SEMA3A: variants seen among roughly 807,000 people sequenced by gnomAD.
SEMA3A encodes semaphorin 3A.
SEMA3A carries 29 observed loss-of-function variants against 97.9 expected under a neutral mutation model. That is an observed-to-expected ratio of 0.30 (90% CI 0.22 to 0.40). The LOEUF (loss-of-function observed/expected upper bound fraction) is 0.40. Among genes scored for constraint, SEMA3A ranks in the 10% least tolerant of loss-of-function variants. The probability of loss-of-function intolerance (pLI) is 1.00; values close to 1 mark genes in which losing one functional copy is unlikely to be tolerated. For synonymous variants in SEMA3A, 321 were observed against 323.7 expected (o/e 0.99, Z 0.09); for missense variants, 763 against 951.3 (o/e 0.80, Z 2.60).
chr7:84,403,408 C>A (rs938918389), intron 1 of SEMA3A, among the ~76,000 whole-genome samples: 12 of 152,224 alleles, frequency 7.9e-5, no homozygotes, highest in Non-Finnish European at 1.6e-4. Context: ...GAAGCTTGAA[C>A]TGGGTGGAGC....
In SEMA3A at chr7:84,007,544, T is replaced by C. The variant is rs1267629517; in HGVS notation, c.996-47A>G. Reference sequence around the variant, plus strand: ...AAAACAGAAGTTCATCTTTATACAATGGTAAGAGAAATATTGATACTGAGT... The same window carrying C: ...AAAACAGAAGTTCATCTTTATACAACGGTAAGAGAAATATTGATACTGAGT... On this transcript the variant is annotated intron_variant, in intron 9 of 16. Transcript: ENST00000265362. The C allele has an allele frequency of 3.6e-6, 5 of 1,385,020 alleles. No individual in the cohort carries two copies. In the African/African-American group the frequency reaches 5.9e-5, roughly 16 times the overall value. 85.8% of individuals were successfully genotyped at this position (1,385,020 alleles called of 1,614,324 possible). A position where few individuals can be genotyped will look rare whatever the true frequency, so the allele number is the denominator to read the frequency against.
chr7:84,324,133 A>C (rs991383894), intron 2 of SEMA3A, among the ~76,000 whole-genome samples: 1 of 152,172 alleles, frequency 6.6e-6, no homozygotes, highest in Non-Finnish European at 1.5e-5. Flanking sequence ...AGCCAATTTA[A>C]ATTTTTGGCA....
intron 6 of SEMA3A, among the ~76,000 whole-genome samples, chr7:84,044,880 A>C (rs1208768234): frequency 6.6e-6 from 1 of 152,082 alleles, no homozygotes; most frequent in Non-Finnish European, 1.5e-5. Flanking sequence ...TAACCAAAGA[A>C]CATCAATGCC....
intron 2 of SEMA3A, among the ~76,000 whole-genome samples, chr7:84,343,424 T>C (rs1802219642): frequency 6.6e-6 from 1 of 152,178 alleles, no homozygotes; most frequent in South Asian, 2.1e-4. Flanking sequence ...TGAATGCAAA[T>C]TGATTAAATT....
chr7:84,116,323 C>T (rs1342268198), intron 3 of SEMA3A, among the ~76,000 whole-genome samples: 2 of 152,098 alleles, frequency 1.3e-5, no homozygotes, highest in South Asian at 2.1e-4. Flanking sequence ...ATATTTCACA[C>T]GTATACTCTT....
intron 3 of SEMA3A, among the ~76,000 whole-genome samples, chr7:84,273,352 TAG>T (rs1228337534): frequency 2.0e-5 from 3 of 152,116 alleles, no homozygotes; most frequent in Non-Finnish European, 4.4e-5. Flanking sequence ...AGAATATTAA[TAG>T]ATTGTATTCA....
chr7:84,423,688 C>T (rs995142371), intron 1 of SEMA3A, among the ~76,000 whole-genome samples: 7 of 151,936 alleles, frequency 4.6e-5, no homozygotes, highest in East Asian at 3.9e-4. Flanking sequence ...GGAGAGCAAA[C>T]ATTTTACCTG....
intron 2 of SEMA3A, among the ~76,000 whole-genome samples, chr7:84,353,728 A>T (rs547625105): frequency 1.3e-5 from 2 of 151,804 alleles, no homozygotes; most frequent in African/African-American, 4.8e-5. Flanking sequence ...AAATTCTCAA[A>T]TTTTCCTTTT....
At chr7:84,162,278 A>G (rs1797059590) in intron 1 of SEMA3A, among the ~76,000 whole-genome samples, 1 of 152,124 alleles carries the variant, frequency 6.6e-6, no homozygotes, top group South Asian at 2.1e-4. Context: ...ATGCTCTGTG[A>G]GTGGCTAGCA....
chr7:84,080,318 A>G (rs1453353462), intron 4 of SEMA3A, among the ~76,000 whole-genome samples: 12 of 151,952 alleles, frequency 7.9e-5, no homozygotes, highest in Non-Finnish European at 1.6e-4. Flanking sequence ...AAACCTGCAC[A>G]TTGTGCACAT....
chr7:84,432,449 T>A (rs1354995378), intron 1 of SEMA3A, among the ~76,000 whole-genome samples: 1 of 152,140 alleles, frequency 6.6e-6, no homozygotes, highest in Non-Finnish European at 1.5e-5. Context: ...ATTGGTATAT[T>A]CCAAGATGCT....
chr7:84,145,702 T>C (rs1416729176), intron 1 of SEMA3A, among the ~76,000 whole-genome samples: 1 of 152,204 alleles, frequency 6.6e-6, no homozygotes, highest in Admixed American at 6.5e-5. Context: ...GAGTTCTGTT[T>C]TGCCAGCAGC....
At chr7:84,005,187 G>A in intron 11 of SEMA3A, 152 bp downstream of exon 11, 1 of 615,168 alleles carries the variant, frequency 1.6e-6, no homozygotes, top group Non-Finnish European at 2.9e-6. Context: ...GCTATTAGTA[G>A]TTAAGTTTTG....
At chr7:84,021,891 TAAAG>T (rs1416407063) in intron 6 of SEMA3A, among the ~76,000 whole-genome samples, 3 of 152,214 alleles carry the variant, frequency 2.0e-5, no homozygotes, top group Non-Finnish European at 2.9e-5. Context: ...GGTTGTCAGT[TAAAG>T]AAATGCTTAT....
intron 1 of SEMA3A, among the ~76,000 whole-genome samples, chr7:84,158,930 C>T (rs905183016): frequency 2.0e-5 from 3 of 151,756 alleles, no homozygotes; most frequent in Non-Finnish European, 4.4e-5. Context: ...CAAGCATTTC[C>T]TGAATTTATA....
intron 1 of SEMA3A, among the ~76,000 whole-genome samples, chr7:84,185,901 AG>A (rs1797867754): frequency 6.6e-6 from 1 of 152,120 alleles, no homozygotes; most frequent in African/African-American, 2.4e-5. Flanking sequence ...ATTCCAAAAA[AG>A]AAATAGAGAA....
At chr7:83,993,035 CTCT>C (rs1428860409) in intron 12 of SEMA3A, among the ~76,000 whole-genome samples, 1 of 139,086 alleles carries the variant, frequency 7.2e-6, no homozygotes, top group Non-Finnish European at 1.5e-5. Flanking sequence ...GGATAGTTAG[CTCT>C]TCTTGTTGAA....
chr7:84,203,526 A>ATATATATATATATATATATTTTTT (rs372380784), intron 3 of SEMA3A, among the ~76,000 whole-genome samples: 1 of 25,672 alleles, frequency 3.9e-5, no homozygotes, highest in Non-Finnish European at 7.1e-5. Context: ...ATATATATAT[A>ATATATATATATATATATATTTTTT]TTTTTTTTTT....
chr7:84,034,755 G>A (rs1791880222), intron 6 of SEMA3A, among the ~76,000 whole-genome samples: 1 of 150,910 alleles, frequency 6.6e-6, no homozygotes, highest in Non-Finnish European at 1.5e-5. Context: ...GTTCAGTGCA[G>A]GCAGTCCATT....
Sources: allele counts gnomAD v4.1 joint callset (sites outside exome capture counted in the v4.1 genomes callset), GRCh38; gene constraint gnomAD v4.1.1; transcripts MANE v1.5; gene names NCBI Gene and HGNC (gene_info 2026-07-23, HGNC 2026-07-21).